The following LOC400499 variants were observed in gnomAD, a reference collection of about 807,000 sequenced individuals.
chr16:11,495,450 G>C, the LOC400499 span, among the ~76,000 whole-genome samples: 1 of 150,798 alleles, frequency 6.6e-6, no homozygotes, highest in African/African-American at 2.4e-5. Flanking sequence ...GCCCTATCTA[G>C]GCCCACTGCA....
At chr16:11,523,519 C>T in the LOC400499 span, 1 of 398,374 alleles carries the variant, frequency 2.5e-6, no homozygotes, top group Non-Finnish European at 4.4e-6. Flanking sequence ...CAGAAAGAGG[C>T]ATAAGATAGC....
the LOC400499 span, among the ~76,000 whole-genome samples, chr16:11,446,088 G>A: frequency 1.3e-5 from 2 of 152,108 alleles, no homozygotes; most frequent in Non-Finnish European, 2.9e-5. Context: ...GCCTCCCAAA[G>A]TGCTAGGATT....
At chr16:11,441,221 A>G in the LOC400499 span, 2 of 396,976 alleles carry the variant, frequency 5.0e-6, no homozygotes, top group Non-Finnish European at 8.9e-6. Context: ...TTCCACTTAT[A>G]GGGCAGGAAG....
the LOC400499 span, among the ~76,000 whole-genome samples, chr16:11,480,149 A>C: frequency 6.6e-6 from 1 of 152,132 alleles, no homozygotes; most frequent in Non-Finnish European, 1.5e-5. Flanking sequence ...TCTCTCCAAC[A>C]CTGAGGCCAA....
At chr16:11,455,580 G>C in the LOC400499 span, among the ~76,000 whole-genome samples, 112,949 of 151,006 alleles carry the variant, frequency 0.75, 42,746 homozygotes, top group Admixed American at 0.8. Flanking sequence ...ACTAAAAATA[G>C]AAAAATTTGC....
the LOC400499 span, among the ~76,000 whole-genome samples, chr16:11,402,846 G>A: frequency 6.6e-6 from 1 of 152,044 alleles, no homozygotes; most frequent in African/African-American, 2.4e-5. Context: ...AGGAGCTGAT[G>A]GGGGCAGCCG....
chr16:11,464,174 T>TGGGTATA, the LOC400499 span, among the ~76,000 whole-genome samples: 1 of 151,492 alleles, frequency 6.6e-6, no homozygotes, highest in Non-Finnish European at 1.5e-5. Context: ...GACATGTGTA[T>TGGGTATA]GTCATATGTG....
chr16:11,421,744 G>A, the LOC400499 span, among the ~76,000 whole-genome samples: 1 of 152,128 alleles, frequency 6.6e-6, no homozygotes, highest in Non-Finnish European at 1.5e-5. Context: ...GGGACGGAAG[G>A]CAGATTTGTG....
At chr16:11,391,606 G>T in the LOC400499 span, 7 of 1,207,464 alleles carry the variant, frequency 5.8e-6, no homozygotes, top group South Asian at 4.2e-5. Flanking sequence ...TTAGGGCCCC[G>T]GTGGAGAGGG....
At chr16:11,389,673 A>G in the LOC400499 span, among the ~76,000 whole-genome samples, 4 of 147,068 alleles carry the variant, frequency 2.7e-5, no homozygotes, top group African/African-American at 7.6e-5. Context: ...CAACAAGAGC[A>G]AAACTCCATC....
the LOC400499 span, chr16:11,460,120 A>G: frequency 8.0e-7 from 1 of 1,257,728 alleles, no homozygotes; most frequent in Non-Finnish European, 1.0e-6. Context: ...GGGCCTCCTC[A>G]TAGCCACCCA....
At chr16:11,463,675 G>A in the LOC400499 span, among the ~76,000 whole-genome samples, 2 of 152,188 alleles carry the variant, frequency 1.3e-5, no homozygotes, top group Middle Eastern at 3.4e-3. Flanking sequence ...GTATGGATGT[G>A]TGTGTACGGA....
the LOC400499 span, among the ~76,000 whole-genome samples, chr16:11,393,142 C>T: frequency 3.6e-4 from 47 of 130,126 alleles, 1 homozygote; most frequent in East Asian, 9.3e-3. Flanking sequence ...GTGTGAGCCA[C>T]CACGCCTGGC....
At chr16:11,416,591 A>G in the LOC400499 span, among the ~76,000 whole-genome samples, 1 of 152,234 alleles carries the variant, frequency 6.6e-6, no homozygotes, top group Admixed American at 6.5e-5. Flanking sequence ...TGATTCTAGC[A>G]TAGAAAAATG....
the LOC400499 span, among the ~76,000 whole-genome samples, chr16:11,505,451 T>C: frequency 8.0e-5 from 10 of 124,708 alleles, no homozygotes; most frequent in Non-Finnish European, 1.5e-4. Context: ...TTTTCTTTTT[T>C]TTTTTTTTTT....
chr16:11,463,683 G>A, the LOC400499 span, among the ~76,000 whole-genome samples: 1 of 152,010 alleles, frequency 6.6e-6, no homozygotes, highest in African/African-American at 2.4e-5. Flanking sequence ...GTGTGTGTAC[G>A]GACATGTGAA....
the LOC400499 span, chr16:11,423,169 G>C: frequency 5.0e-6 from 2 of 399,398 alleles, no homozygotes; most frequent in Admixed American, 4.4e-5. Context: ...CCAGGACAGA[G>C]ACCCCATACC....
the LOC400499 span, chr16:11,460,185 T>G: frequency 1.3e-6 from 1 of 796,436 alleles, no homozygotes; most frequent in Non-Finnish European, 1.7e-6. Context: ...AAAGCACTAT[T>G]TTTTTTTAAT....
At chr16:11,504,131 C>T in the LOC400499 span, among the ~76,000 whole-genome samples, 11 of 152,260 alleles carry the variant, frequency 7.2e-5, no homozygotes, top group Admixed American at 6.5e-4. Context: ...GATCCAGGCA[C>T]GACAGGAGGG....
Sources: gnomAD v4.1 joint callset for allele counts (sites outside exome capture counted in the v4.1 genomes callset) on GRCh38, gnomAD v4.1.1 for gene constraint, MANE v1.5 for transcripts.